The following SKAP1 variants were observed in gnomAD, a reference collection of about 807,000 sequenced individuals.
SKAP1 encodes the protein src kinase associated phosphoprotein 1.
A neutral mutation model predicts 58.5 loss-of-function variants in SKAP1; 44 were observed. The ratio of observed to expected loss-of-function variants is 0.75; its 90% confidence interval spans 0.59 to 0.97. The LOEUF (loss-of-function observed/expected upper bound fraction) is 0.97, where lower values mean the gene tolerates loss of function less well. Among genes scored for constraint, SKAP1 ranks in the 50% least tolerant of loss-of-function variants. The pLI, the probability that SKAP1 is intolerant of heterozygous loss-of-function variation, is 0.00. For synonymous variants in SKAP1, 127 were observed against 149.7 expected, an observed-to-expected ratio of 0.85 and a Z score of 1.11; for missense variants, 390 against 435.2, an observed-to-expected ratio of 0.90 and a Z score of 0.92.
intron 9 of SKAP1, among the ~76,000 whole-genome samples, chr17:48,171,761 G>A (rs2064221187): frequency 6.6e-6 from 1 of 151,874 alleles, no homozygotes; most frequent in Non-Finnish European, 1.5e-5. Flanking sequence ...GTGTGTGTGT[G>A]TGAACAACCC....
chr17:48,165,013 C>A (rs2064117143), intron 10 of SKAP1, among the ~76,000 whole-genome samples: 2 of 152,234 alleles, frequency 1.3e-5, no homozygotes, highest in South Asian at 4.1e-4. Flanking sequence ...CTGGGAATCC[C>A]ACATTGGCCA....
At chr17:48,148,165 A>C (rs763009680) in intron 11 of SKAP1, among the ~76,000 whole-genome samples, 2 of 152,158 alleles carry the variant, frequency 1.3e-5, no homozygotes, top group Non-Finnish European at 2.9e-5. Context: ...GGAGGTGTGG[A>C]GGGCCTGTGC....
intron 4 of SKAP1, among the ~76,000 whole-genome samples, chr17:48,335,585 A>C (rs571805747): frequency 6.6e-6 from 1 of 152,220 alleles, no homozygotes; most frequent in South Asian, 2.1e-4. Context: ...CCATAGAAGG[A>C]ATGCTACAAT....
chr17:48,373,858 G>A (rs1044495662), intron 2 of SKAP1, among the ~76,000 whole-genome samples: 5 of 152,084 alleles, frequency 3.3e-5, no homozygotes, highest in Admixed American at 2.6e-4. Context: ...CATCTGTGAT[G>A]TTATAACTCT....
At chr17:48,427,654 T>C (rs1187219847) in intron 1 of SKAP1, among the ~76,000 whole-genome samples, 1 of 91,976 alleles carries the variant, frequency 1.1e-5, no homozygotes, top group Non-Finnish European at 2.3e-5. Context: ...TGTCAAAAAA[T>C]GCCCCTGTCA....
At chr17:48,245,807 C>T (rs1333137502) in intron 4 of SKAP1, among the ~76,000 whole-genome samples, 2 of 152,112 alleles carry the variant, frequency 1.3e-5, no homozygotes, top group East Asian at 3.9e-4. Context: ...GAAACCCTGT[C>T]TCTACTAAAA....
chr17:48,206,237 A>AT (rs932594645), intron 4 of SKAP1, among the ~76,000 whole-genome samples: 4 of 152,016 alleles, frequency 2.6e-5, no homozygotes, highest in East Asian at 3.9e-4. Context: ...AAAAACAAGA[A>AT]TTTTTTTTAC....
intron 1 of SKAP1, among the ~76,000 whole-genome samples, chr17:48,406,813 G>A (rs1386101338): frequency 9.2e-5 from 14 of 152,122 alleles, no homozygotes; most frequent in African/African-American, 2.7e-4. Flanking sequence ...TGATCCGCCC[G>A]CCTCGGCCTC....
At chr17:48,322,523 GGTAA>G (rs2066381261) in intron 4 of SKAP1, among the ~76,000 whole-genome samples, 1 of 152,150 alleles carries the variant, frequency 6.6e-6, no homozygotes, top group Non-Finnish European at 1.5e-5. Context: ...TGTTGCCATG[GGTAA>G]GACATAATAT....
intron 3 of SKAP1, among the ~76,000 whole-genome samples, chr17:48,357,945 G>A (rs540899057): frequency 6.6e-6 from 1 of 152,274 alleles, no homozygotes; most frequent in South Asian, 2.1e-4. Context: ...AAAAGGTTGA[G>A]TCAAAGCCAA....
chr17:48,368,165 ATCACATCCC>A (rs2067034203), intron 2 of SKAP1, among the ~76,000 whole-genome samples: 1 of 152,208 alleles, frequency 6.6e-6, no homozygotes, highest in South Asian at 2.1e-4. Flanking sequence ...AAGGTGAGCA[ATCACATCCC>A]TCACTGGAGG....
intron 4 of SKAP1, among the ~76,000 whole-genome samples, chr17:48,277,106 CT>C (rs1405759349): frequency 7.9e-5 from 12 of 152,136 alleles, no homozygotes; most frequent in Non-Finnish European, 1.6e-4. Flanking sequence ...TTTAAGAATA[CT>C]TCTTTTATAT....
chr17:48,385,901 G>A (rs1332171624), intron 2 of SKAP1, among the ~76,000 whole-genome samples: 1 of 152,192 alleles, frequency 6.6e-6, no homozygotes, highest in Non-Finnish European at 1.5e-5. Context: ...GTGCAAAGCT[G>A]AATAGGGATG....
chr17:48,306,479 A>T (rs188224752), intron 4 of SKAP1, among the ~76,000 whole-genome samples: 1 of 152,156 alleles, frequency 6.6e-6, no homozygotes, highest in East Asian at 1.9e-4. Context: ...GTTGGTACAC[A>T]ATTTTAAACA....
chr17:48,178,541 G>T (rs1041744897), intron 9 of SKAP1, among the ~76,000 whole-genome samples: 1 of 152,178 alleles, frequency 6.6e-6, no homozygotes, highest in Non-Finnish European at 1.5e-5. Flanking sequence ...GATTCTCAGA[G>T]GAGCTGTGTT....
intron 4 of SKAP1, among the ~76,000 whole-genome samples, chr17:48,250,366 C>T (rs1450167831): frequency 1.4e-5 from 2 of 141,338 alleles, no homozygotes; most frequent in Non-Finnish European, 3.0e-5. Flanking sequence ...ACTGCAACCT[C>T]TGCCTCCTGG....
chr17:48,251,731 T>C (rs528656532), intron 4 of SKAP1, among the ~76,000 whole-genome samples: 77 of 152,308 alleles, frequency 5.1e-4, no homozygotes, highest in African/African-American at 1.7e-3. Flanking sequence ...CTAAAGGACA[T>C]TAAAGATTAG....
chr17:48,257,301 TA>T (rs1229406747), intron 4 of SKAP1, among the ~76,000 whole-genome samples: 1 of 152,080 alleles, frequency 6.6e-6, no homozygotes, highest in African/African-American at 2.4e-5. Context: ...ATTCTGGGGT[TA>T]AAAAAATTGG....
Position 48,429,260 on chromosome 17 carries a change from G to A in SKAP1, c.46+815C>T, listed in dbSNP as rs139471169. Among the ~76,000 whole-genome samples the A allele has an allele frequency of 4.4e-3, 668 of 152,340 alleles. 6 individuals carry two copies. The highest frequency in any genetic ancestry group is 0.015 in the African/African-American group (643 of 41,582). On this transcript the variant is annotated intron_variant, in intron 1 of 12. Transcript: ENST00000336915. ...TGGAAGGTTAGTTACAGGAAAGCAA[G>A]TAAAAGTGACTTCCACCACGAAACC...
Sources: gnomAD v4.1 joint callset for allele counts (sites outside exome capture counted in the v4.1 genomes callset) on GRCh38, gnomAD v4.1.1 for gene constraint, MANE v1.5 for transcripts, NCBI Gene and HGNC (gene_info 2026-07-23, HGNC 2026-07-21) for gene names.